Variants in PAQR9 observed in about 807,000 individuals in gnomAD.
PAQR9 encodes membrane progestin receptor epsilon.
In PAQR9, 12 loss-of-function variants were observed where a neutral mutation model predicts 24.0. The ratio of observed to expected loss-of-function variants is 0.50; its 90% CI spans 0.32 to 0.81. PAQR9 has a LOEUF of 0.81. Among genes scored for constraint, PAQR9 ranks in the 30% least tolerant of loss-of-function variants. The pLI is 0.03. For synonymous variants in PAQR9, 266 were observed against 237.6 expected (o/e 1.12, Z -1.10); for missense variants, 418 against 520.8 (o/e 0.80, Z 1.92).
At position 142,955,477 on chromosome 3, in the gene PAQR9, A is replaced by T. The variant is rs1018716020; in HGVS notation, c.*6726T>A. Reference sequence around the variant, plus strand: ...AAAAAAAAAAAAAAAAAAAAAAAAAAGCAGCCACAGAATCCTCCCCCAGCC... The same window carrying T: ...AAAAAAAAAAAAAAAAAAAAAAAAATGCAGCCACAGAATCCTCCCCCAGCC... On this transcript the variant is annotated 3_prime_UTR_variant, in exon 1 of 1. Coordinates refer to ENST00000340634, the MANE Select transcript of PAQR9 (RefSeq NM_198504.4). 1.8e-5 allele frequency among the ~76,000 whole-genome samples: 2 copies of T among 108,460 alleles called. No homozygotes were observed. Among genetic ancestry groups the T allele is most frequent in the Non-Finnish European group, 3.8e-5 (2 of 52,048 alleles). The allele number at this position is 108,460 out of a possible 152,430, so 71.2% of individuals were successfully genotyped here. A position where few individuals can be genotyped will look rare whatever the true frequency, so the allele number is the denominator to read the frequency against.
At position 142,963,623 on chromosome 3, in the gene PAQR9, C is replaced by A; in HGVS notation, c.-287G>T. On this transcript the variant is annotated 5_prime_UTR_variant, in exon 1 of 1. Coordinates refer to ENST00000340634, the MANE Select transcript of PAQR9 (RefSeq NM_198504.4). ...TACCGGCGCGCGGCCGCCCGCGCTG[C>A]GGCAGCGGCGGCGGCGCGGCTGACT... is the stretch of plus-strand genomic sequence containing the variant. 1 of 709,616 alleles carries A rather than the reference C, an allele frequency of 1.4e-6. No individual in the cohort carries two copies. The highest frequency in any genetic ancestry group is 1.7e-6 in the Non-Finnish European group (1 of 580,326). 44.0% of individuals were successfully genotyped at this position (709,616 alleles called of 1,614,324 possible).
rs1934902394 is a variant in PAQR9, at chr3:142,962,114, C to T, written c.*89G>A. The T allele has an allele frequency of 7.0e-7, 1 of 1,426,114 alleles. No individual in the cohort carries two copies. Among genetic ancestry groups the T allele is most frequent in the East Asian group, 2.3e-5 (1 of 43,998 alleles). 88.3% of individuals were successfully genotyped at this position (1,426,114 alleles called of 1,614,324 possible). ...CACCTTCCTTGAGCAAAGAAGAAAA[C>T]ACAATGAAATTTGAAAACAAACCAA... On this transcript the variant is annotated 3_prime_UTR_variant, in exon 1 of 1. Coordinates refer to ENST00000340634, the MANE Select transcript of PAQR9 (RefSeq NM_198504.4).
Position 142,955,898 on chromosome 3 carries a change from T to G in PAQR9, c.*6305A>C, listed in dbSNP as rs553119917. On this transcript the variant is annotated 3_prime_UTR_variant, in exon 1 of 1. Transcript: ENST00000340634. ...TTTTTTAAAAAATGATTTGTATCCT[T>G]CTTTAAACTATACATTATTTACATT... Among the ~76,000 whole-genome samples the G allele has an allele frequency of 5.9e-5, 9 of 152,320 alleles. No individual in the cohort carries two copies. The South Asian group carries it at 1.9e-3, about 32-fold the overall frequency.
chr3:142,954,467 G>T (rs781696463), downstream of PAQR9, among the ~76,000 whole-genome samples: 68 of 152,270 alleles, frequency 4.5e-4, no homozygotes, highest in Non-Finnish European at 9.3e-4. Context: ...TATGAAAAGG[G>T]TAATGTTTTT....
downstream of PAQR9, chr3:142,950,506 T>A (rs1013890259): frequency 2.5e-5 from 10 of 400,866 alleles, no homozygotes; most frequent in Admixed American, 2.8e-4. Context: ...GCTCCTTACA[T>A]CCCATACTGG....
At chr3:142,949,853 CT>C (rs1279891970), downstream of PAQR9, 2 of 152,062 alleles carry the variant, frequency 1.3e-5, no homozygotes, top group Non-Finnish European at 2.9e-5. Flanking sequence ...TAGGTTACAC[CT>C]TTTGTAATTG....
rs1227737709 is a variant in PAQR9, at chr3:142,962,404, G to A, written c.933C>T (p.His311=). 2 of 1,614,178 alleles carry A rather than the reference G, an allele frequency of 1.2e-6. No individual in the cohort carries two copies. The highest frequency in any genetic ancestry group is 4.5e-5 in the East Asian group (2 of 44,884). The change falls in exon 1 of 1, where the codon CAC becomes CAT. Residue 311 remains histidine (H), a synonymous_variant. Coordinates refer to ENST00000340634, the MANE Select transcript of PAQR9 (RefSeq NM_198504.4). ...PGLFDIIGHS[H]QLFHIFTFLS... ...GGAAGGTGAAGATGTGGAAGAGCTGGTGGCTGTGGCCGATAATGTCGAAAA... is the reference window on the plus strand; with the variant it reads ...GGAAGGTGAAGATGTGGAAGAGCTGATGGCTGTGGCCGATAATGTCGAAAA...
Position 142,956,300 on chromosome 3 carries a change from C to T in PAQR9, c.*5903G>A, listed in dbSNP as rs1254031373. On this transcript the variant is annotated 3_prime_UTR_variant, in exon 1 of 1. Coordinates refer to ENST00000340634, the MANE Select transcript of PAQR9 (RefSeq NM_198504.4). ...CCATCTTTACAGCACGGCCAAATGA[C>T]CACCTGAAGACCCCCCATTCTGCCT... Among the ~76,000 whole-genome samples, 1 of 152,130 alleles carries T rather than the reference C, an allele frequency of 6.6e-6. No individual in the cohort carries two copies. The highest frequency in any genetic ancestry group is 2.4e-5 in the African/African-American group (1 of 41,406).
Position 142,963,205 on chromosome 3 carries a change from C to A in PAQR9, c.132G>T (p.Leu44=), listed in dbSNP as rs200332240. The A allele has an allele frequency of 7.0e-6, 11 of 1,572,470 alleles. No individual in the cohort carries two copies. The highest frequency in any genetic ancestry group is 9.5e-6 in the Non-Finnish European group (11 of 1,159,670). Residue 44 remains leucine, a synonymous_variant, in exon 1 of 1, where the codon CTG becomes CTT. Transcript: ENST00000340634. ...SRDPPASAKP[L]LRWDEVPDDF... is the part of the protein sequence containing the mutation. ...CGTCGGGCACCTCGTCCCAGCGCAG[C>A]AGCGGCTTGGCAGACGCTGGGGGGT...
At chr3:142,952,892 C>T (rs1174537956), downstream of PAQR9, 1 of 456,400 alleles carries the variant, frequency 2.2e-6, no homozygotes, top group East Asian at 7.0e-5. Flanking sequence ...GAATCAGCTC[C>T]AATACAGAGC....
rs1934809610 is a variant in PAQR9, at chr3:142,957,559, T to C, written c.*4644A>G. 6.6e-6 allele frequency among the ~76,000 whole-genome samples: 1 copy of C among 151,884 alleles called. No individual in the cohort carries two copies. Among genetic ancestry groups the C allele is most frequent in the African/African-American group, 2.4e-5 (1 of 41,150 alleles). ...AGATCTAGCCATTTACCTTCTTATG[T>C]ATGTGATTGGTTTGTTTGTTTGTTT... On this transcript the variant is annotated 3_prime_UTR_variant, in exon 1 of 1. Transcript: ENST00000340634.
downstream of PAQR9, chr3:142,952,656 G>C (rs1047488161): frequency 1.7e-5 from 7 of 415,116 alleles, no homozygotes; most frequent in South Asian, 7.0e-5. Context: ...GAGTTACTTT[G>C]TTTGGCCCCA....
chr3:142,963,532 G>T lies in PAQR9; in HGVS notation c.-196C>A. 1 of 997,128 alleles carries T rather than the reference G, an allele frequency of 1.0e-6. No individual in the cohort carries two copies. The highest frequency in any genetic ancestry group is 4.7e-5 in the South Asian group (1 of 21,364). The allele number at this position is 997,128 out of a possible 1,614,324, so 61.8% of individuals were successfully genotyped here. ...AATCAATAAGAGAATCAATTAATAG[G>T]CAGCGCTGCGACCGCCAGGAGCGCG... On this transcript the variant is annotated 5_prime_UTR_variant, in exon 1 of 1. Transcript: ENST00000340634.
chr3:142,963,945 C>G (rs1030098594), upstream of PAQR9: 8 of 945,628 alleles, frequency 8.5e-6, no homozygotes, highest in Non-Finnish European at 1.0e-5. Flanking sequence ...GCGCGCGCGC[C>G]GAGTACTAGA....
At chr3:142,952,193 C>T (rs1426649539), downstream of PAQR9, among the ~76,000 whole-genome samples, 1 of 151,888 alleles carries the variant, frequency 6.6e-6, no homozygotes, top group Non-Finnish European at 1.5e-5. Context: ...TACAGGAGAA[C>T]AATGTGTAAT....
In PAQR9 at chr3:142,955,664, C is replaced by T. The variant is rs375312841; in HGVS notation, c.*6539G>A. On this transcript the variant is annotated 3_prime_UTR_variant, in exon 1 of 1. Coordinates refer to ENST00000340634, the MANE Select transcript of PAQR9 (RefSeq NM_198504.4). ...CTCATCAAAGTGAAAGGTGCCTCAC[C>T]TCTTTATTGCCTTGGTACTCAGTTG... 1.3e-5 allele frequency among the ~76,000 whole-genome samples: 2 copies of T among 151,988 alleles called. No homozygotes were observed. The highest frequency in any genetic ancestry group is 1.9e-4 in the East Asian group (1 of 5,178).
chr3:142,953,836 CT>C (rs1934753009), downstream of PAQR9, among the ~76,000 whole-genome samples: 1 of 152,206 alleles, frequency 6.6e-6, no homozygotes, highest in Non-Finnish European at 1.5e-5. Context: ...ATCTGATACT[CT>C]TTTCCAGGAA....
downstream of PAQR9, among the ~76,000 whole-genome samples, chr3:142,952,484 G>T (rs537403322): frequency 6.6e-6 from 1 of 152,196 alleles, no homozygotes; most frequent in Non-Finnish European, 1.5e-5. Flanking sequence ...ACATGGCTGA[G>T]AAGTTAGCAA....
Position 142,962,548 on chromosome 3 carries a change from G to A in PAQR9, c.789C>T (p.Leu263=). 1 of 1,613,936 alleles carries A rather than the reference G, an allele frequency of 6.2e-7. No individual in the cohort carries two copies. Among genetic ancestry groups the A allele is most frequent in the Admixed American group, 1.7e-5 (1 of 60,026 alleles). Reference sequence around the variant, plus strand: ...TGGGGTTCTCCCCACGCAGGTCGAAGAGCCAGCTCTCGAGCATAATGGGGC... The same window carrying A: ...TGGGGTTCTCCCCACGCAGGTCGAAAAGCCAGCTCTCGAGCATAATGGGGC... ...MACPIMLESW[L]FDLRGENPTL... is the part of the protein sequence containing the mutation. The change falls in exon 1 of 1, where the codon CTC becomes CTT. Residue 263 remains leucine, a synonymous_variant. Coordinates refer to ENST00000340634, the MANE Select transcript of PAQR9 (RefSeq NM_198504.4).
Sources: allele counts gnomAD v4.1 joint callset (sites outside exome capture counted in the v4.1 genomes callset), GRCh38; gene constraint gnomAD v4.1.1; transcripts MANE v1.5; gene names NCBI Gene and HGNC (gene_info 2026-07-23, HGNC 2026-07-21).